Variants in NTMT2 observed in about 807,000 individuals in gnomAD.
NTMT2 encodes the protein N-terminal Xaa-Pro-Lys N-methyltransferase 2, also known as X-Pro-Lys N-terminal protein methyltransferase 1B.
A neutral mutation model predicts 23.4 loss-of-function variants in NTMT2; 21 were observed. The ratio of observed to expected loss-of-function variants is 0.90; its 90% CI spans 0.64 to 1.29. The LOEUF is 1.29. Among genes scored for constraint, NTMT2 ranks in the 50% most tolerant of loss-of-function variants. The pLI, the probability that NTMT2 is intolerant of heterozygous loss-of-function variation, is 0.00. For missense variants in NTMT2, 336 were observed against 352.0 expected, an observed-to-expected ratio of 0.95 and a Z score of 0.36; for synonymous variants, 131 against 127.7, an observed-to-expected ratio of 1.03 and a Z score of -0.17.
intron 1 of NTMT2, among the ~76,000 whole-genome samples, chr1:170,152,564 G>A (rs753625111): frequency 1.9e-4 from 29 of 152,154 alleles, no homozygotes; most frequent in Non-Finnish European, 3.8e-4. Flanking sequence ...CTATTTTAGA[G>A]ATAAGAAACA....
chr1:170,147,101 T>C (rs6703198), intron 1 of NTMT2, among the ~76,000 whole-genome samples: 4,175 of 152,304 alleles, frequency 0.027, 83 homozygotes, highest in South Asian at 0.045. Flanking sequence ...GTGCACTTGA[T>C]GTGGTCAGGG....
chr1:170,152,280 A>G (rs1673084618), intron 1 of NTMT2, among the ~76,000 whole-genome samples: 1 of 152,228 alleles, frequency 6.6e-6, no homozygotes, highest in Non-Finnish European at 1.5e-5. Context: ...GTGCAAAGGA[A>G]GCATGGGGAC....
chr1:170,168,147 T>C lies in NTMT2; in HGVS notation c.*390T>C, dbSNP rs1315480445. On this transcript the variant is annotated 3_prime_UTR_variant, in exon 4 of 4. Transcript: ENST00000439373. ...AAAATGGTGGTTTTTTTTTTGTTTT[T>C]CCATCACAAGATGAAATCAGCATTC... Among the ~76,000 whole-genome samples the C allele has an allele frequency of 8.6e-5, 13 of 151,102 alleles. 1 individual carries two copies. The highest frequency in any genetic ancestry group is 1.9e-4 in the Non-Finnish European group (13 of 67,832).
At chr1:170,158,602 C>G (rs1256107918) in intron 1 of NTMT2, among the ~76,000 whole-genome samples, 1 of 151,982 alleles carries the variant, frequency 6.6e-6, no homozygotes, top group Non-Finnish European at 1.5e-5. Context: ...CAGTCTCTTT[C>G]AGCTCCAGGG....
chr1:170,160,756 C>G, intron 2 of NTMT2, 63 bp downstream of exon 2: 2 of 1,356,434 alleles, frequency 1.5e-6, no homozygotes, highest in East Asian at 5.2e-5. Flanking sequence ...AGCTCGCATG[C>G]CTCTGTGTTG....
intron 1 of NTMT2, among the ~76,000 whole-genome samples, chr1:170,152,527 C>T (rs1266418181): frequency 6.6e-6 from 1 of 152,104 alleles, no homozygotes; most frequent in Non-Finnish European, 1.5e-5. Flanking sequence ...AAAAAAGCCC[C>T]ACACAACTTT....
At chr1:170,155,710 A>G (rs575545176) in intron 1 of NTMT2, among the ~76,000 whole-genome samples, 1 of 152,234 alleles carries the variant, frequency 6.6e-6, no homozygotes, top group Non-Finnish European at 1.5e-5. Context: ...AACCACTTGA[A>G]AAAAGAAGAA....
chr1:170,149,191 T>C (rs573155480), intron 1 of NTMT2, among the ~76,000 whole-genome samples: 62 of 152,342 alleles, frequency 4.1e-4, no homozygotes, highest in African/African-American at 1.4e-3. Flanking sequence ...TGGATGCAAA[T>C]CTACAAATAA....
chr1:170,165,187 C>T (rs1413753687), intron 2 of NTMT2, among the ~76,000 whole-genome samples: 1 of 152,060 alleles, frequency 6.6e-6, no homozygotes, highest in African/African-American at 2.4e-5. Context: ...CAGCAGCCAT[C>T]CCAATTATGA....
intron 1 of NTMT2, among the ~76,000 whole-genome samples, chr1:170,148,303 C>A (rs1167374680): frequency 1.3e-5 from 2 of 151,080 alleles, no homozygotes; most frequent in Admixed American, 1.3e-4. Flanking sequence ...CCCCCGCTAC[C>A]ATGCCCGGCT....
intron 1 of NTMT2, among the ~76,000 whole-genome samples, chr1:170,155,689 TA>T (rs1230424112): frequency 1.3e-5 from 2 of 152,070 alleles, no homozygotes; most frequent in Admixed American, 1.3e-4. Flanking sequence ...CATTTTAAAA[TA>T]GGTATATTCA....
rs142169276 is a variant in NTMT2 at position 170,150,436 on chromosome 1, A to G, written c.154+4175A>G. On this transcript the variant is annotated intron_variant, in intron 1 of 3. Transcript: ENST00000439373. ...AGTTCATTTTTATAACATCTCTATT[A>G]GGTGTGCTGTTATTTTCCCCATATT... 7.2e-3 allele frequency among the ~76,000 whole-genome samples: 1,102 copies of G among 152,338 alleles called. 11 individuals are homozygous for G. The highest frequency in any genetic ancestry group is 0.025 in the African/African-American group (1,060 of 41,572).
intron 2 of NTMT2, among the ~76,000 whole-genome samples, chr1:170,164,629 T>C (rs1673337040): frequency 6.6e-6 from 1 of 152,228 alleles, no homozygotes; most frequent in Admixed American, 6.5e-5. Context: ...ACATCACTAA[T>C]CAATCATAGA....
chr1:170,156,942 T>A (rs377531033), intron 1 of NTMT2, among the ~76,000 whole-genome samples: 1 of 152,206 alleles, frequency 6.6e-6, no homozygotes, highest in East Asian at 1.9e-4. Context: ...TGATGATGAG[T>A]GTGGCTGCTT....
At chr1:170,155,029 C>G (rs187645160) in intron 1 of NTMT2, among the ~76,000 whole-genome samples, 2 of 144,946 alleles carry the variant, frequency 1.4e-5, no homozygotes, top group East Asian at 3.9e-4. Context: ...CTTGCTCCTG[C>G]TCTGCCATGT....
intron 1 of NTMT2, among the ~76,000 whole-genome samples, chr1:170,147,599 T>C (rs1008663347): frequency 1.1e-4 from 17 of 152,186 alleles, no homozygotes; most frequent in Non-Finnish European, 2.4e-4. Flanking sequence ...TCACTTCATA[T>C]ACTGGCAAAG....
intron 1 of NTMT2, among the ~76,000 whole-genome samples, chr1:170,147,738 C>T (rs1294866459): frequency 6.6e-6 from 1 of 152,148 alleles, no homozygotes; most frequent in Non-Finnish European, 1.5e-5. Flanking sequence ...AGGCAGATGA[C>T]TGTCAAACTT....
chr1:170,148,268 C>G (rs946441991), intron 1 of NTMT2, among the ~76,000 whole-genome samples: 3 of 150,754 alleles, frequency 2.0e-5, no homozygotes, highest in African/African-American at 7.3e-5. Flanking sequence ...CCTGCCTCAG[C>G]CTCCTGAGTA....
intron 1 of NTMT2, among the ~76,000 whole-genome samples, chr1:170,149,936 A>T (rs1673035844): frequency 1.3e-5 from 2 of 152,204 alleles, no homozygotes; most frequent in South Asian, 4.1e-4. Flanking sequence ...TCAGTTTGGA[A>T]ATAAAACTTA....
Sources: gnomAD v4.1 joint callset for allele counts (sites outside exome capture counted in the v4.1 genomes callset) on GRCh38, gnomAD v4.1.1 for gene constraint, MANE v1.5 for transcripts, NCBI Gene and HGNC (gene_info 2026-07-23, HGNC 2026-07-21) for gene names.